Variants in WWOX observed in about 807,000 individuals in gnomAD.
WWOX encodes WW domain-containing oxidoreductase.
A neutral mutation model predicts 46.2 loss-of-function variants in WWOX; 69 were observed. The ratio of observed to expected loss-of-function variants is 1.49; its 90% CI spans 1.23 to 1.82. WWOX has a LOEUF of 1.82. Among genes scored for constraint, WWOX ranks in the 40% most tolerant of loss-of-function variants. The pLI, the probability that WWOX is intolerant of heterozygous loss-of-function variation, is 0.00. For missense variants in WWOX, 919 were observed against 542.6 expected, an observed-to-expected ratio of 1.69 and a Z score of -6.89; for synonymous variants, 359 against 202.6, an observed-to-expected ratio of 1.77 and a Z score of -6.56.
chr16:78,853,417 T>C (rs908442483), intron 8 of WWOX, among the ~76,000 whole-genome samples: 16 of 152,130 alleles, frequency 1.1e-4, no homozygotes, highest in African/African-American at 3.9e-4. Flanking sequence ...TTTGCCACGT[T>C]AACCAGGCTG....
chr16:78,891,059 A>T (rs2151227842), intron 8 of WWOX: 1 of 152,318 alleles, frequency 6.6e-6, no homozygotes, highest in South Asian at 2.1e-4. Context: ...AGTCTGTTTC[A>T]TAGTGAATAA....
chr16:79,194,718 A>T (rs946237974), intron 8 of WWOX, among the ~76,000 whole-genome samples: 1 of 152,150 alleles, frequency 6.6e-6, no homozygotes, highest in Non-Finnish European at 1.5e-5. Flanking sequence ...TACTTTCTCC[A>T]TCTGCTTTCC....
At chr16:78,171,474 G>T (rs905704557) in intron 5 of WWOX, among the ~76,000 whole-genome samples, 6 of 152,050 alleles carry the variant, frequency 3.9e-5, no homozygotes, top group Non-Finnish European at 7.4e-5. Context: ...ATATGTGTTG[G>T]GGGGAGGCAT....
intron 8 of WWOX, among the ~76,000 whole-genome samples, chr16:78,917,880 GT>G (rs1238056985): frequency 3.3e-5 from 5 of 152,074 alleles, no homozygotes; most frequent in Non-Finnish European, 1.5e-5. Context: ...GTGAGATCTT[GT>G]TTTTTAAAAC....
chr16:78,794,959 TATC>T (rs1276817893), intron 8 of WWOX, among the ~76,000 whole-genome samples: 1 of 152,224 alleles, frequency 6.6e-6, no homozygotes, highest in Non-Finnish European at 1.5e-5. Flanking sequence ...AAATTAATGT[TATC>T]ATCATCACGT....
In WWOX at chr16:78,495,145, C is replaced by CTTTTTTTTTTTTTTTTTT. The variant is rs71140804; in HGVS notation, c.1056+62407_1056+62408insTTTTTTTTTTTTTTTTTT. Among the ~76,000 whole-genome samples, 6 of 116,616 alleles carry CTTTTTTTTTTTTTTTTTT rather than the reference C, an allele frequency of 5.1e-5. 2 individuals are homozygous for CTTTTTTTTTTTTTTTTTT. Among genetic ancestry groups the CTTTTTTTTTTTTTTTTTT allele is most frequent in the African/African-American group, 5.9e-5 (2 of 34,038 alleles). 76.5% of individuals were successfully genotyped at this position (116,616 alleles called of 152,430 possible). A position where few individuals can be genotyped will look rare whatever the true frequency, so the allele number is the denominator to read the frequency against. On this transcript the variant is annotated intron_variant, in intron 8 of 8. Transcript: ENST00000566780. ...AAGATTAGTAGTAGACTGTTGTGTT[C>CTTTTTTTTTTTTTTTTTT]TTTTTTTTTTTTTTGAGATAGACTC...
chr16:78,937,713 C>CTCCTGGGT (rs1567662013), intron 8 of WWOX, among the ~76,000 whole-genome samples: 1 of 151,930 alleles, frequency 6.6e-6, no homozygotes, highest in African/African-American at 2.4e-5. Flanking sequence ...CAACCTCCGC[C>CTCCTGGGT]TCCTGGGTTG....
chr16:78,983,056 T>C (rs543611232), intron 8 of WWOX, among the ~76,000 whole-genome samples: 7 of 152,330 alleles, frequency 4.6e-5, no homozygotes, highest in Middle Eastern at 3.4e-3. Context: ...GGGTCTCCTG[T>C]AGTCTGAGTT....
intron 8 of WWOX, among the ~76,000 whole-genome samples, chr16:78,442,133 T>C (rs142357404): frequency 0.015 from 2,240 of 151,714 alleles, 19 homozygotes; most frequent in Non-Finnish European, 0.024. Context: ...TGAGACCCTA[T>C]CTCTAAAGGA....
chr16:78,112,325 T>A lies in WWOX; in HGVS notation c.230+2490T>A, dbSNP rs78597934. On this transcript the variant is annotated intron_variant, in intron 3 of 8. Coordinates refer to ENST00000566780, the MANE Select transcript of WWOX (RefSeq NM_016373.4). Reference sequence around the variant, plus strand: ...TCCAAAGCATTCGACCACATTTTCATAGATACCACTGACACTATTTTTCAC... The same window carrying A: ...TCCAAAGCATTCGACCACATTTTCAAAGATACCACTGACACTATTTTTCAC... Among the ~76,000 whole-genome samples the A allele has an allele frequency of 6.2e-4, 94 of 152,342 alleles. 2 individuals carry two copies. In the East Asian group the frequency reaches 0.015, roughly 24 times the overall value.
intron 1 of WWOX, 87 bp downstream of exon 1, chr16:78,099,972 A>G (rs2151652236): frequency 6.6e-7 from 1 of 1,519,326 alleles, no homozygotes; most frequent in Non-Finnish European, 8.8e-7. Flanking sequence ...CGCGCACTCC[A>G]GCGCAGCGCG....
chr16:78,114,310 G>C (rs907665840), intron 3 of WWOX, among the ~76,000 whole-genome samples: 1 of 152,070 alleles, frequency 6.6e-6, no homozygotes, highest in African/African-American at 2.4e-5. Flanking sequence ...ATGTTGCCCA[G>C]GCTGGTCTTG....
intron 8 of WWOX, among the ~76,000 whole-genome samples, chr16:79,171,347 G>C (rs896081290): frequency 6.6e-6 from 1 of 152,184 alleles, no homozygotes; most frequent in African/African-American, 2.4e-5. Flanking sequence ...TAGCACTATA[G>C]TTGTTATTTA....
chr16:78,761,334 A>G (rs111657474), intron 8 of WWOX, among the ~76,000 whole-genome samples: 373 of 152,114 alleles, frequency 2.5e-3, no homozygotes, highest in African/African-American at 8.3e-3. Flanking sequence ...TGGCCCATTT[A>G]CTCACAAATT....
At chr16:78,805,090 T>C (rs1045921163) in intron 8 of WWOX, among the ~76,000 whole-genome samples, 1 of 152,236 alleles carries the variant, frequency 6.6e-6, no homozygotes, top group Non-Finnish European at 1.5e-5. Flanking sequence ...TGTGGTCTTG[T>C]ACATGAAATT....
At chr16:78,514,515 T>G (rs2085441589) in intron 8 of WWOX, among the ~76,000 whole-genome samples, 1 of 152,200 alleles carries the variant, frequency 6.6e-6, no homozygotes, top group Non-Finnish European at 1.5e-5. Flanking sequence ...TCTGCGGCCC[T>G]GGTACACTTA....
At chr16:78,941,462 C>CTTT in intron 8 of WWOX, among the ~76,000 whole-genome samples, 1 of 144,648 alleles carries the variant, frequency 6.9e-6, no homozygotes. Context: ...GAACAAAGTC[C>CTTT]TTTTTTTTTT....
chr16:78,317,878 T>C (rs912084280), intron 5 of WWOX, among the ~76,000 whole-genome samples: 6 of 152,182 alleles, frequency 3.9e-5, no homozygotes, highest in African/African-American at 1.4e-4. Flanking sequence ...CCCGTAAACA[T>C]CTTCTGTTTC....
rs1409718911 is a variant in WWOX at position 79,032,866 on chromosome 16, A to C, written c.1057-178742A>C. Among the ~76,000 whole-genome samples the C allele has an allele frequency of 2.6e-5, 4 of 151,536 alleles. No individual in the cohort carries two copies. In the South Asian group the frequency reaches 8.3e-4, roughly 31 times the overall value. ...TGTTGTACAGATGATTTCATCACCC[A>C]GGTATTAAGCCTAGTGCCCATTAGT... On this transcript the variant is annotated intron_variant, in intron 8 of 8. Coordinates refer to ENST00000566780, the MANE Select transcript of WWOX (RefSeq NM_016373.4).
Sources: allele counts gnomAD v4.1 joint callset (sites outside exome capture counted in the v4.1 genomes callset), GRCh38; gene constraint gnomAD v4.1.1; transcripts MANE v1.5; gene names NCBI Gene and HGNC (gene_info 2026-07-23, HGNC 2026-07-21).